SCN9A: variants seen among roughly 807,000 people sequenced by gnomAD.
The protein encoded by SCN9A is sodium voltage-gated channel alpha subunit 9.
In SCN9A, 131 loss-of-function variants were observed where a neutral mutation model predicts 187.0. The observed-to-expected ratio is 0.70, with a 90% confidence interval of 0.61 to 0.81. The LOEUF (loss-of-function observed/expected upper bound fraction) is 0.81, where lower values mean the gene tolerates loss of function less well. Among genes scored for constraint, SCN9A ranks in the 30% least tolerant of loss-of-function variants. The pLI is 0.00. For missense variants in SCN9A, 2,252 were observed against 2,396.6 expected (o/e 0.94, Z 1.26); for synonymous variants, 809 against 808.6 (o/e 1.00, Z -0.01).
chr2:166,255,316 G>A (rs1176204977), intron 17 of SCN9A, among the ~76,000 whole-genome samples: 2 of 151,406 alleles, frequency 1.3e-5, no homozygotes, highest in African/African-American at 2.4e-5. Flanking sequence ...TGATTGCCTT[G>A]AAGCTGTGTT....
At chr2:166,259,512 A>G (rs970778737) in intron 17 of SCN9A, among the ~76,000 whole-genome samples, 7 of 151,834 alleles carry the variant, frequency 4.6e-5, no homozygotes, top group Non-Finnish European at 1.0e-4. Context: ...AAACAGTTAC[A>G]TAATTCTACT....
In SCN9A at chr2:166,286,545, T is replaced by C. The variant is rs1335746744; in HGVS notation, c.1393A>G (p.Thr465Ala). Residue 465 changes from threonine (T) to alanine (A), a missense_variant, in exon 11 of 27, where the codon ACA (threonine) becomes GCA (alanine). Thr to Ala is a moderately conservative substitution (Grantham distance 58). Coordinates refer to ENST00000642356, the MANE Select transcript of SCN9A (RefSeq NM_001365536.1). ...IMGLSESSSETSKLSSKSAKE... is the reference protein window; with the variant it reads ...IMGLSESSSEASKLSSKSAKE... ...GCACTTTTAGAGCTCAGTTTGGATG[T>C]TTCAGAAGAACTCTCTGAGAGGCCC... is the stretch of plus-strand genomic sequence containing the variant. 1 of 1,609,398 alleles carries C rather than the reference T, an allele frequency of 6.2e-7. No homozygotes were observed. The highest frequency in any genetic ancestry group is 1.1e-5 in the South Asian group (1 of 89,908).
At chr2:166,234,102 G>A (rs1695211048) in intron 20 of SCN9A, among the ~76,000 whole-genome samples, 1 of 152,068 alleles carries the variant, frequency 6.6e-6, no homozygotes, top group South Asian at 2.1e-4. Flanking sequence ...TATAATAAGA[G>A]CTTCATCATG....
intron 7 of SCN9A, chr2:166,301,098 GTTTC>G (rs1474690855): frequency 7.8e-6 from 1 of 128,044 alleles, no homozygotes; most frequent in Non-Finnish European, 1.6e-5. Flanking sequence ...TAGAGACGGG[GTTTC>G]TTTTTTTTTC....
chr2:166,312,742 C>T (rs1296312856), intron 1 of SCN9A, among the ~76,000 whole-genome samples: 4 of 152,004 alleles, frequency 2.6e-5, no homozygotes, highest in African/African-American at 9.7e-5. Flanking sequence ...AACATTAATG[C>T]CCTTGTACCT....
intron 26 of SCN9A, among the ~76,000 whole-genome samples, chr2:166,201,671 T>C (rs1233109234): frequency 6.7e-6 from 1 of 149,278 alleles, no homozygotes; most frequent in Non-Finnish European, 1.5e-5. Flanking sequence ...AGTATACATA[T>C]ATACATACTC....
chr2:166,240,025 C>T (rs1341295254), intron 19 of SCN9A, among the ~76,000 whole-genome samples: 2 of 152,140 alleles, frequency 1.3e-5, no homozygotes, highest in Non-Finnish European at 2.9e-5. Flanking sequence ...ACTCTTCTTT[C>T]TGAGGAGCCA....
intron 17 of SCN9A, among the ~76,000 whole-genome samples, chr2:166,253,111 T>A (rs909575149): frequency 6.6e-6 from 1 of 151,952 alleles, no homozygotes; most frequent in Admixed American, 6.6e-5. Context: ...TTTTAGAGAT[T>A]GACTTGGAAG....
chr2:166,349,031 G>A (rs1389499952), intron 1 of SCN9A, among the ~76,000 whole-genome samples: 2 of 123,360 alleles, frequency 1.6e-5, no homozygotes, highest in African/African-American at 3.5e-5. Flanking sequence ...GGAAGGCTGA[G>A]GCAGGAGAAT....
intron 2 of SCN9A, among the ~76,000 whole-genome samples, chr2:166,309,036 A>C (rs921982990): frequency 3.9e-5 from 6 of 152,130 alleles, no homozygotes; most frequent in East Asian, 3.9e-4. Context: ...TATTCAAGGA[A>C]CTTCCTAGAA....
chr2:166,218,476 G>A (rs1694437698), intron 24 of SCN9A, among the ~76,000 whole-genome samples: 1 of 152,004 alleles, frequency 6.6e-6, no homozygotes. Context: ...ATATAAAGGT[G>A]GTTGCCATAG....
At chr2:166,347,789 GC>G (rs1699937431) in intron 1 of SCN9A, among the ~76,000 whole-genome samples, 1 of 152,146 alleles carries the variant, frequency 6.6e-6, no homozygotes, top group South Asian at 2.1e-4. Context: ...TCGTAACCCA[GC>G]CCCATTCTTC....
intron 1 of SCN9A, among the ~76,000 whole-genome samples, chr2:166,365,232 A>G (rs1217118151): frequency 1.3e-5 from 2 of 152,220 alleles, no homozygotes; most frequent in Non-Finnish European, 2.9e-5. Context: ...ACATTTAAAT[A>G]TAAATACATT....
intron 21 of SCN9A, among the ~76,000 whole-genome samples, chr2:166,230,731 C>T (rs1695047224): frequency 6.6e-6 from 1 of 152,156 alleles, no homozygotes; most frequent in Non-Finnish European, 1.5e-5. Context: ...ATTGACCCTA[C>T]TCACTCTTTG....
intron 1 of SCN9A, among the ~76,000 whole-genome samples, chr2:166,313,253 C>T (rs1465853576): frequency 6.6e-6 from 1 of 151,906 alleles, no homozygotes; most frequent in Admixed American, 6.6e-5. Context: ...TGCATTATCC[C>T]CTAACAAGAG....
rs558693461 is a variant in SCN9A at position 166,198,693 on chromosome 2, G to C, written c.5946C>G (p.Asp1982Glu). ...DRTEKEDKGK[D>E]SKESKK ...AGCTCTATTTTTTGCTTTCCTTGCTGTCTTTCCCTTTGTCTTCCTTTTCTG... is the reference window on the plus strand; with the variant it reads ...AGCTCTATTTTTTGCTTTCCTTGCTCTCTTTCCCTTTGTCTTCCTTTTCTG... The change falls in exon 27 of 27, where the codon GAC becomes GAG. Residue 1982 changes from aspartate (D) to glutamate (E), a missense_variant. Asp to Glu is a conservative substitution (Grantham distance 45, BLOSUM62 2). Around this residue, in one of 7 missense-constraint regions of SCN9A, gnomAD observed 345 missense variants for 344.6 expected, o/e 1.00. Transcript: ENST00000642356. The C allele has an allele frequency of 6.2e-7, 1 of 1,603,560 alleles. No homozygotes were observed. The highest frequency in any genetic ancestry group is 8.5e-7 in the Non-Finnish European group (1 of 1,175,566).
At chr2:166,296,780 A>T (rs1177498691) in intron 7 of SCN9A, among the ~76,000 whole-genome samples, 1 of 152,222 alleles carries the variant, frequency 6.6e-6, no homozygotes, top group Non-Finnish European at 1.5e-5. Flanking sequence ...ACATTAAATT[A>T]TTAAGATGGT....
At chr2:166,352,874 G>T (rs551429062) in intron 1 of SCN9A, among the ~76,000 whole-genome samples, 1 of 152,210 alleles carries the variant, frequency 6.6e-6, no homozygotes, top group African/African-American at 2.4e-5. Context: ...TTGATAATTG[G>T]TATCATTTTT....
intron 1 of SCN9A, among the ~76,000 whole-genome samples, chr2:166,373,521 A>G (rs751550702): frequency 6.6e-6 from 1 of 151,976 alleles, no homozygotes; most frequent in Non-Finnish European, 1.5e-5. Flanking sequence ...GGTGAATGAG[A>G]GGCATCTGAG....
Sources: allele counts gnomAD v4.1 joint callset (sites outside exome capture counted in the v4.1 genomes callset), GRCh38; gene constraint gnomAD v4.1.1; regional missense constraint gnomAD v4.1.1; transcripts MANE v1.5; gene names NCBI Gene and HGNC (gene_info 2026-07-23, HGNC 2026-07-21).